Variants in LRIG1 observed in about 807,000 individuals in gnomAD.
The protein encoded by LRIG1 is leucine-rich repeats and immunoglobulin-like domains protein 1.
Under a neutral mutation model 99.2 loss-of-function variants are expected in LRIG1, and 48 were observed. The ratio of observed to expected loss-of-function variants is 0.48; its 90% CI spans 0.38 to 0.62. LRIG1 has a LOEUF of 0.62. LRIG1 is among the 20% of genes least tolerant of loss of function. LRIG1 has a pLI of 0.00. For synonymous variants in LRIG1, 772 were observed against 596.1 expected, an observed-to-expected ratio of 1.29 and a Z score of -4.30; for missense variants, 1,646 against 1,434.4, an observed-to-expected ratio of 1.15 and a Z score of -2.38.
intron 2 of LRIG1, among the ~76,000 whole-genome samples, chr3:66,457,007 C>G (rs1344828274): frequency 6.6e-6 from 1 of 152,186 alleles, no homozygotes; most frequent in Non-Finnish European, 1.5e-5. Context: ...CGCAGCTGCA[C>G]AAGCGTCCTC....
intron 2 of LRIG1, among the ~76,000 whole-genome samples, chr3:66,455,784 T>C (rs1700204712): frequency 6.6e-6 from 1 of 152,224 alleles, no homozygotes; most frequent in Non-Finnish European, 1.5e-5. Context: ...GAGAATAATG[T>C]ATACTAACTA....
In LRIG1 at chr3:66,405,297, G is replaced by A. The variant is rs377576817; in HGVS notation, c.1080-19C>T. 1.2e-5 allele frequency: 19 copies of A among 1,599,094 alleles called. No individual in the cohort carries two copies. The highest frequency in any genetic ancestry group is 1.5e-5 in the Non-Finnish European group (18 of 1,166,554). ...CAGATCCCTGGGGAGAGGACAGAAA[G>A]CAGCTCACCGAGCAGTCGGGGCGTG... On this transcript the variant is annotated intron_variant, in intron 8 of 18. Coordinates refer to ENST00000273261, the MANE Select transcript of LRIG1 (RefSeq NM_015541.3).
chr3:66,382,998 G>A lies in LRIG1; in HGVS notation c.2475C>T (p.Tyr825=), dbSNP rs1169274930. The change falls in exon 15 of 19, where the codon TAC becomes TAT. Residue 825 remains tyrosine, a synonymous_variant. Transcript: ENST00000273261. ...IYQTRKKSEE[Y]SVTNTDETVV... is the part of the protein sequence containing the mutation. Reference sequence around the variant, plus strand: ...GGGCCTGACCTGTGTTGGTGACACTGTACTCTTCACTCTTCTTCCTGGTCT... The same window carrying A: ...GGGCCTGACCTGTGTTGGTGACACTATACTCTTCACTCTTCTTCCTGGTCT... 1.2e-6 allele frequency: 2 copies of A among 1,612,572 alleles called. No individual in the cohort carries two copies. The highest frequency in any genetic ancestry group is 2.2e-5 in the South Asian group (2 of 90,864).
intron 3 of LRIG1, among the ~76,000 whole-genome samples, chr3:66,443,511 G>A (rs1703617468): frequency 6.6e-6 from 1 of 152,132 alleles, no homozygotes; most frequent in Non-Finnish European, 1.5e-5. Flanking sequence ...TCTGTGTAGG[G>A]GAAGAGAAAG....
At chr3:66,408,961 T>TC (rs1702372159) in intron 7 of LRIG1, among the ~76,000 whole-genome samples, 1 of 8,092 alleles carries the variant, frequency 1.2e-4, no homozygotes, top group Admixed American at 1.3e-3. Context: ...TGTGTGTGTG[T>TC]GGTGGGGGGA....
intron 3 of LRIG1, among the ~76,000 whole-genome samples, chr3:66,422,223 T>C (rs1287777921): frequency 3.3e-5 from 5 of 152,256 alleles, no homozygotes; most frequent in Admixed American, 6.5e-5. Flanking sequence ...TCATTACTTA[T>C]GCAAATTCCT....
chr3:66,381,030 A>C lies in LRIG1; in HGVS notation c.2771-169T>G, dbSNP rs373713122. 352 of 656,544 alleles carry C rather than the reference A, an allele frequency of 5.4e-4. No homozygotes were observed. In the African/African-American group the frequency reaches 5.6e-3, roughly 10 times the overall value. The allele number at this position is 656,544 out of a possible 1,614,324, so 40.7% of individuals were successfully genotyped here. On this transcript the variant is annotated intron_variant, in intron 17 of 18. Transcript: ENST00000273261. ...TATGTCCCCAGAGAAAGGACTGGGC[A>C]AACACCAAGTCACTCATGAACTGTG...
rs1414190682 is a variant in LRIG1, at chr3:66,444,216, T to C, written c.365+7343A>G. 2.6e-5 allele frequency among the ~76,000 whole-genome samples: 4 copies of C among 152,190 alleles called. No homozygotes were observed. The East Asian group carries it at 7.7e-4, about 29-fold the overall frequency. On this transcript the variant is annotated intron_variant, in intron 3 of 18. Coordinates refer to ENST00000273261, the MANE Select transcript of LRIG1 (RefSeq NM_015541.3). ...ACGTTGGGCTGCTCACGAAGCGCTCTCCACCTCTACAGCAGCCGGTGAAGG... is the reference window on the plus strand; with the variant it reads ...ACGTTGGGCTGCTCACGAAGCGCTCCCCACCTCTACAGCAGCCGGTGAAGG...
At chr3:66,468,715 C>G (rs924287402) in intron 1 of LRIG1, among the ~76,000 whole-genome samples, 2 of 152,152 alleles carry the variant, frequency 1.3e-5, no homozygotes, top group African/African-American at 4.8e-5. Context: ...TAAAAAATTG[C>G]CTGCTTGGGA....
rs145404890 is a variant in LRIG1, at chr3:66,383,277, C to A, written c.2196G>T (p.Pro732=). The stretch of plus-strand genomic sequence containing the variant: ...AGTGGTGCCGCTCAGTGAGGCTCAG[C>A]GGGCGGTCCCCCTTGAACCAGGTGA... ...PRITWFKGDR[P]LSLTERHHLT... is the part of the protein sequence containing the mutation. The change falls in exon 15 of 19, where the codon CCG becomes CCT. Residue 732 remains proline (P), a synonymous_variant. Transcript: ENST00000273261. The A allele has an allele frequency of 2.5e-6, 4 of 1,613,830 alleles. No individual in the cohort carries two copies. The highest frequency in any genetic ancestry group is 3.4e-6 in the Non-Finnish European group (4 of 1,179,686).
At position 66,399,147 on chromosome 3, in the gene LRIG1, AC is replaced by A; in HGVS notation, c.1161-107del. On this transcript the variant is annotated intron_variant, in intron 9 of 18. Coordinates refer to ENST00000273261, the MANE Select transcript of LRIG1 (RefSeq NM_015541.3). ...GAAAACACACAATTAAGGTAGTGCT[AC>A]CTGATAAGTCTGTCCAGTGAGGGGC... 3 of 922,594 alleles carry A rather than the reference AC, an allele frequency of 3.3e-6. No homozygotes were observed. The East Asian group carries it at 7.8e-5, about 24-fold the overall frequency. The allele number at this position is 922,594 out of a possible 1,614,324, so 57.2% of individuals were successfully genotyped here.
At chr3:66,391,299 A>G (rs542144940) in intron 12 of LRIG1, among the ~76,000 whole-genome samples, 1 of 152,332 alleles carries the variant, frequency 6.6e-6, no homozygotes, top group Admixed American at 6.5e-5. Flanking sequence ...TGACCCAGCA[A>G]TTCCATTCCT....
At chr3:66,383,436 A>G (rs1242801733) in intron 14 of LRIG1, 35 bp from the exon 15 acceptor site, 1 of 1,509,002 alleles carries the variant, frequency 6.6e-7, no homozygotes. Context: ...AGTCATTCTC[A>G]GGGCCTCCGT....
At chr3:66,427,446 C>T (rs1458115039) in intron 3 of LRIG1, among the ~76,000 whole-genome samples, 10 of 152,172 alleles carry the variant, frequency 6.6e-5, no homozygotes, top group Non-Finnish European at 1.5e-5. Flanking sequence ...TTTATGACTG[C>T]AAATGCCAAA....
chr3:66,381,723 C>A (rs1367351922), intron 16 of LRIG1, 92 bp from the exon 17 acceptor site: 2 of 1,430,544 alleles, frequency 1.4e-6, no homozygotes, highest in Non-Finnish European at 1.9e-6. Context: ...CTAGAACAGT[C>A]ATTTTTTTTA....
At chr3:66,478,223 T>G (rs1456393690) in intron 1 of LRIG1, among the ~76,000 whole-genome samples, 2 of 152,218 alleles carry the variant, frequency 1.3e-5, no homozygotes, top group Non-Finnish European at 2.9e-5. Context: ...CGTTTTTGCT[T>G]TTAATACACA....
chr3:66,415,944 G>A (rs556555614), intron 4 of LRIG1, among the ~76,000 whole-genome samples: 16 of 152,312 alleles, frequency 1.1e-4, no homozygotes, highest in African/African-American at 3.6e-4. Flanking sequence ...ACAGAGGGTG[G>A]AAGGGAGCAA....
At chr3:66,401,759 G>T in intron 9 of LRIG1, 1 of 1,021,456 alleles carries the variant, frequency 9.8e-7, no homozygotes, top group Non-Finnish European at 1.4e-6. Context: ...CTCCCTTTCA[G>T]AAGGAACACC....
intron 1 of LRIG1, chr3:66,469,210 T>C (rs1230736212): frequency 6.6e-6 from 1 of 152,330 alleles, no homozygotes; most frequent in East Asian, 1.9e-4. Context: ...CAAAAGAACA[T>C]ATTCTGCAAA....
Sources: allele counts gnomAD v4.1 joint callset (sites outside exome capture counted in the v4.1 genomes callset), GRCh38; gene constraint gnomAD v4.1.1; transcripts MANE v1.5; gene names NCBI Gene and HGNC (gene_info 2026-07-23, HGNC 2026-07-21).